Variants in SLIT3 observed in about 807,000 individuals in gnomAD.
The protein encoded by SLIT3 is slit guidance ligand 3, also known as slit homolog 3 protein.
SLIT3 carries 68 observed loss-of-function variants against 184.0 expected under a neutral mutation model. The ratio of observed to expected loss-of-function variants is 0.37; its 90% CI spans 0.30 to 0.45. SLIT3 has a LOEUF of 0.45. SLIT3 is among the 20% of genes least tolerant of loss of function. The pLI is 1.00. For synonymous variants in SLIT3, 831 were observed against 828.6 expected (o/e 1.00, Z -0.05); for missense variants, 1,707 against 2,026.0 (o/e 0.84, Z 3.02).
chr5:168,707,956 G>C lies in SLIT3; in HGVS notation c.2844+20C>G, dbSNP rs1762427107. The C allele has an allele frequency of 6.2e-7, 1 of 1,613,896 alleles. No homozygotes were observed. The highest frequency in any genetic ancestry group is 8.5e-7 in the Non-Finnish European group (1 of 1,179,898). On this transcript the variant is annotated intron_variant, in intron 26 of 35. Transcript: ENST00000519560. ...AGGAGCCTGAGGCATGAACACGGGG[G>C]GGCAGGGCCTCCAGCATACCTTGTA...
At chr5:169,241,839 G>A (rs1765413459) in intron 3 of SLIT3, among the ~76,000 whole-genome samples, 1 of 152,084 alleles carries the variant, frequency 6.6e-6, no homozygotes, top group African/African-American at 2.4e-5. Flanking sequence ...TACTTTCATG[G>A]GGGAATAGAG....
chr5:168,837,280 A>G (rs1758084705), intron 6 of SLIT3, among the ~76,000 whole-genome samples: 1 of 152,198 alleles, frequency 6.6e-6, no homozygotes, highest in Admixed American at 6.5e-5. Flanking sequence ...TGACAGTTCT[A>G]TATTCAAAAC....
At chr5:169,276,475 G>A (rs148216525) in intron 1 of SLIT3, among the ~76,000 whole-genome samples, 55 of 152,288 alleles carry the variant, frequency 3.6e-4, no homozygotes, top group Non-Finnish European at 3.8e-4. Flanking sequence ...CCAAAGAGTC[G>A]CCGGGATGCC....
At chr5:169,174,291 A>AT (rs1341174076) in intron 4 of SLIT3, among the ~76,000 whole-genome samples, 2 of 152,184 alleles carry the variant, frequency 1.3e-5, no homozygotes, top group African/African-American at 4.8e-5. Flanking sequence ...TCCTAAAAAA[A>AT]CCAGTTCCTC....
intron 3 of SLIT3, among the ~76,000 whole-genome samples, chr5:169,231,463 T>C (rs1245985752): frequency 6.6e-6 from 1 of 152,236 alleles, no homozygotes. Context: ...AGGTAATATA[T>C]ATTCTTTTAT....
At chr5:168,693,021 C>G (rs1368354) in intron 28 of SLIT3, among the ~76,000 whole-genome samples, 16,904 of 152,200 alleles carry the variant, frequency 0.11, 1,971 homozygotes, top group African/African-American at 0.27. Flanking sequence ...GCCTGGCCCT[C>G]ACTTTGGGCC....
intron 4 of SLIT3, among the ~76,000 whole-genome samples, chr5:169,141,433 T>G (rs7447284): frequency 6.6e-6 from 1 of 151,060 alleles, no homozygotes; most frequent in African/African-American, 2.5e-5. Flanking sequence ...TGTTTTTTTT[T>G]TTGTTTTTTG....
At chr5:169,290,681 C>T (rs1767331275) in intron 1 of SLIT3, among the ~76,000 whole-genome samples, 1 of 139,950 alleles carries the variant, frequency 7.1e-6, no homozygotes, top group Non-Finnish European at 1.5e-5. Flanking sequence ...CGCTAGGGCA[C>T]ATGCTGGGGC....
chr5:169,294,307 C>A (rs1581147978), intron 1 of SLIT3, among the ~76,000 whole-genome samples: 1 of 149,322 alleles, frequency 6.7e-6, no homozygotes, highest in East Asian at 2.0e-4. Flanking sequence ...GAAAACCCAC[C>A]CCCCAAAAAT....
chr5:169,264,111 C>T (rs1244412602), intron 1 of SLIT3, among the ~76,000 whole-genome samples: 1 of 151,972 alleles, frequency 6.6e-6, no homozygotes, highest in Non-Finnish European at 1.5e-5. Context: ...AGACTCTCCC[C>T]ATAGATAAAG....
chr5:169,028,554 T>A (rs1756915152), intron 4 of SLIT3, among the ~76,000 whole-genome samples: 2 of 152,274 alleles, frequency 1.3e-5, no homozygotes, highest in Non-Finnish European at 2.9e-5. Flanking sequence ...AGTTGGCACT[T>A]AATAAATGCT....
intron 12 of SLIT3, among the ~76,000 whole-genome samples, chr5:168,784,633 G>A (rs534917495): frequency 6.6e-4 from 100 of 152,244 alleles, no homozygotes; most frequent in Non-Finnish European, 7.9e-4. Flanking sequence ...TGTAAGAAAG[G>A]GCTGGAGGAA....
intron 4 of SLIT3, among the ~76,000 whole-genome samples, chr5:168,937,014 T>A (rs1322730259): frequency 6.6e-6 from 1 of 152,054 alleles, no homozygotes; most frequent in Non-Finnish European, 1.5e-5. Flanking sequence ...AGGCAGTGTA[T>A]ATGGGGGCAA....
intron 4 of SLIT3, among the ~76,000 whole-genome samples, chr5:169,039,772 C>T (rs1016331616): frequency 7.2e-5 from 11 of 152,190 alleles, no homozygotes; most frequent in African/African-American, 2.4e-4. Context: ...CAACCCCTAT[C>T]AAACGACTCC....
intron 5 of SLIT3, among the ~76,000 whole-genome samples, chr5:168,849,931 G>A (rs1341591836): frequency 1.3e-5 from 2 of 152,024 alleles, no homozygotes; most frequent in Admixed American, 6.6e-5. Context: ...TTATCCAATT[G>A]TCCTTTAAGC....
intron 4 of SLIT3, among the ~76,000 whole-genome samples, chr5:168,943,127 T>TC (rs1762375277): frequency 6.6e-6 from 1 of 152,316 alleles, no homozygotes; most frequent in East Asian, 1.9e-4. Flanking sequence ...AATATCCATG[T>TC]CCCAGGATCC....
At chr5:169,142,758 T>C (rs1214725525) in intron 4 of SLIT3, among the ~76,000 whole-genome samples, 1 of 152,136 alleles carries the variant, frequency 6.6e-6, no homozygotes, top group African/African-American at 2.4e-5. Context: ...CCACACCTAC[T>C]CCTCACTCCA....
At chr5:169,232,385 T>G (rs1765036747) in intron 3 of SLIT3, among the ~76,000 whole-genome samples, 2 of 152,006 alleles carry the variant, frequency 1.3e-5, no homozygotes, top group Non-Finnish European at 2.9e-5. Flanking sequence ...CCACCACACC[T>G]GCCTAATTTT....
At chr5:168,902,208 T>C (rs1760895431) in intron 4 of SLIT3, among the ~76,000 whole-genome samples, 1 of 152,174 alleles carries the variant, frequency 6.6e-6, no homozygotes, top group African/African-American at 2.4e-5. Context: ...ATAGTCTTTC[T>C]AGATCCATGT....
Sources: gnomAD v4.1 joint callset for allele counts (sites outside exome capture counted in the v4.1 genomes callset) on GRCh38, gnomAD v4.1.1 for gene constraint, MANE v1.5 for transcripts, NCBI Gene and HGNC (gene_info 2026-07-23, HGNC 2026-07-21) for gene names.